Variants in GCFC2 observed in about 807,000 individuals in gnomAD.
GCFC2 encodes GC-rich sequence DNA-binding factor 2.
A neutral mutation model predicts 99.4 loss-of-function variants in GCFC2; 102 were observed. That is an observed-to-expected ratio of 1.03 (90% CI 0.87 to 1.21). The LOEUF (loss-of-function observed/expected upper bound fraction) is 1.21, where lower values mean the gene tolerates loss of function less well. Ranked by LOEUF, GCFC2 falls within the 50% of genes most tolerant of loss-of-function variation. GCFC2 has a pLI of 0.00. For synonymous variants in GCFC2, 338 were observed against 316.8 expected, an observed-to-expected ratio of 1.07 and a Z score of -0.71; for missense variants, 973 against 920.9, an observed-to-expected ratio of 1.06 and a Z score of -0.73.
upstream of GCFC2, among the ~76,000 whole-genome samples, chr2:75,712,441 A>G (rs975193440): frequency 3.7e-4 from 56 of 152,280 alleles, 1 homozygote; most frequent in African/African-American, 1.3e-3. Context: ...TTTTGTATCT[A>G]GCTCAGGGAT....
intron 12 of GCFC2, among the ~76,000 whole-genome samples, chr2:75,676,947 A>G (rs1453487413): frequency 6.6e-6 from 1 of 152,210 alleles, no homozygotes; most frequent in Non-Finnish European, 1.5e-5. Context: ...CCAGTTCAAT[A>G]AAAATATTGA....
At chr2:75,689,480 G>A (rs745440944) in intron 9 of GCFC2, among the ~76,000 whole-genome samples, 2 of 152,080 alleles carry the variant, frequency 1.3e-5, no homozygotes, top group African/African-American at 2.4e-5. Flanking sequence ...ATACCATATA[G>A]GTATAGTCTA....
chr2:75,711,962 G>A (rs914041645), upstream of GCFC2, among the ~76,000 whole-genome samples: 4 of 152,360 alleles, frequency 2.6e-5, no homozygotes, highest in South Asian at 4.1e-4. Flanking sequence ...GAGTACGAGC[G>A]CACGGCGCCG....
At position 75,663,374 on chromosome 2, in the gene GCFC2, A is replaced by T. The variant is rs1678697101; in HGVS notation, c.*1292T>A. ...ACTAGTAAACTAACATTTTTGGAAA[A>T]TTTTCTTAATTTCTTTTGATTAAAT... On this transcript the variant is annotated 3_prime_UTR_variant, in exon 17 of 17. Coordinates refer to ENST00000321027, the MANE Select transcript of GCFC2 (RefSeq NM_003203.5). 6.6e-6 allele frequency: 1 copy of T among 152,124 alleles called. No homozygotes were observed. The highest frequency in any genetic ancestry group is 2.1e-4 in the South Asian group (1 of 4,838). 9.4% of individuals were successfully genotyped at this position (152,124 alleles called of 1,614,324 possible).
chr2:75,692,468 G>A (rs953515729), intron 6 of GCFC2, among the ~76,000 whole-genome samples: 16 of 151,930 alleles, frequency 1.1e-4, no homozygotes, highest in Non-Finnish European at 1.5e-4. Flanking sequence ...CCAACATAGC[G>A]AAACCCCTTC....
intron 12 of GCFC2, among the ~76,000 whole-genome samples, 153 bp downstream of exon 12, chr2:75,680,040 A>C (rs1194339695): frequency 1.3e-5 from 2 of 152,218 alleles, no homozygotes; most frequent in East Asian, 3.8e-4. Flanking sequence ...CAGTCTGAGA[A>C]AAAGTCTAGT....
chr2:75,689,034 G>A lies in GCFC2; in HGVS notation c.1531C>T (p.Pro511Ser). The A allele has an allele frequency of 6.6e-7, 1 of 1,524,742 alleles. No homozygotes were observed. The highest frequency in any genetic ancestry group is 2.3e-5 in the East Asian group (1 of 44,056). The allele number at this position is 1,524,742 out of a possible 1,614,324, so 94.5% of individuals were successfully genotyped here. Residue 511 changes from proline to serine, a missense_variant, in exon 10 of 17, where the codon CCT (proline) becomes TCT (serine). Transcript: ENST00000321027. ...LIRVQLIDWN[P>S]LKLESTGLKE... is the part of the protein sequence containing the mutation. ...ATGTTAAGCATAAATACCTTAAGAGGATTCCAATCAATCAACTGAACTCGT... is the reference window on the plus strand; with the variant it reads ...ATGTTAAGCATAAATACCTTAAGAGAATTCCAATCAATCAACTGAACTCGT...
rs548346454 is a variant in GCFC2 at position 75,697,358 on chromosome 2, C to T, written c.718-1043G>A. Among the ~76,000 whole-genome samples the T allele has an allele frequency of 5.9e-4, 90 of 152,334 alleles. No individual in the cohort carries two copies. The South Asian group carries it at 0.018, about 31-fold the overall frequency. On this transcript the variant is annotated intron_variant, in intron 4 of 16. Coordinates refer to ENST00000321027, the MANE Select transcript of GCFC2 (RefSeq NM_003203.5). ...TCATTTCAGTTCTCACCAAGCCTCC[C>T]ATCCAGCTCTACGCATATCTACAAA...
Position 75,676,571 on chromosome 2 carries a change from C to T in GCFC2, c.1813-3051G>A, listed in dbSNP as rs190854697. Among the ~76,000 whole-genome samples, 7 of 152,108 alleles carry T rather than the reference C, an allele frequency of 4.6e-5. No individual in the cohort carries two copies. The East Asian group carries it at 1.2e-3, about 25-fold the overall frequency. On this transcript the variant is annotated intron_variant, in intron 12 of 16. Transcript: ENST00000321027. ...TGCAATATTCCCAGGAAGGTCTAAT[C>T]TGTGGGTATTATCACCAAATATGCC... is the stretch of plus-strand genomic sequence containing the variant.
rs753292890 is a variant in GCFC2, at chr2:75,664,773, C to T, written c.2239G>A (p.Glu747Lys). 28 of 1,487,840 alleles carry T rather than the reference C, an allele frequency of 1.9e-5. No homozygotes were observed. The highest frequency in any genetic ancestry group is 2.1e-5 in the Non-Finnish European group (22 of 1,069,328). The allele number at this position is 1,487,840 out of a possible 1,614,324, so 92.2% of individuals were successfully genotyped here. The change falls in exon 17 of 17, where the codon GAA becomes AAA. Residue 747 changes from glutamate (E) to lysine (K), a missense_variant. Glu to Lys is a moderately conservative substitution (Grantham distance 56). Transcript: ENST00000321027. ...TTCACCAAAATAAGAATTATTTCTTCGACTTCATCCCTGAAAAACAAAACA... is the reference window on the plus strand; with the variant it reads ...TTCACCAAAATAAGAATTATTTCTTTGACTTCATCCCTGAAAAACAAAACA... ...LSRSEFRDEV[E>K]EIILILVKIK...
chr2:75,695,512 A>G (rs1373296401), intron 5 of GCFC2, among the ~76,000 whole-genome samples: 1 of 152,178 alleles, frequency 6.6e-6, no homozygotes, highest in Admixed American at 6.6e-5. Context: ...GTATTTACTG[A>G]TTTTAACCAC....
rs368712901 is a variant in GCFC2, at chr2:75,665,954, G to T, written c.2203C>A (p.His735Asn). Residue 735 changes from histidine (H) to asparagine (N), a missense_variant, in exon 16 of 17, where the codon CAT (histidine) becomes AAT (asparagine). Transcript: ENST00000321027. ...CTGAATTCACTTCTAGATAATTTAT[G>T]TGCAGACTGCAATAAAAACTGAATG... Reference protein sequence around the residue: ...NFIQFLLQSAHKLSRSEFRDE... With the variant: ...NFIQFLLQSANKLSRSEFRDE... The T allele has an allele frequency of 6.3e-6, 10 of 1,593,774 alleles. No homozygotes were observed. Among genetic ancestry groups the T allele is most frequent in the Non-Finnish European group, 8.6e-6 (10 of 1,163,770 alleles).
chr2:75,698,692 GCT>G (rs1680441209), intron 4 of GCFC2, among the ~76,000 whole-genome samples: 1 of 152,092 alleles, frequency 6.6e-6, no homozygotes, highest in South Asian at 2.1e-4. Context: ...TGGACTACTA[GCT>G]CTTAGTTCAC....
chr2:75,665,828 T>C, intron 16 of GCFC2, 101 bp downstream of exon 16: 1 of 728,460 alleles, frequency 1.4e-6, no homozygotes, highest in South Asian at 3.0e-5. Flanking sequence ...TTTAACAAAT[T>C]TTTAAAAGTA....
intron 5 of GCFC2, among the ~76,000 whole-genome samples, chr2:75,695,428 T>C (rs1254022267): frequency 6.6e-6 from 1 of 152,194 alleles, no homozygotes; most frequent in Non-Finnish European, 1.5e-5. Context: ...TGATAGTTTT[T>C]TTAAAAAAAT....
intron 12 of GCFC2, among the ~76,000 whole-genome samples, chr2:75,673,755 CTT>C (rs1679227548): frequency 6.6e-6 from 1 of 152,078 alleles, no homozygotes; most frequent in Non-Finnish European, 1.5e-5. Context: ...TGATGGAACA[CTT>C]AGGTGATTTC....
chr2:75,712,181 C>T (rs377351486), upstream of GCFC2, among the ~76,000 whole-genome samples: 6 of 106,700 alleles, frequency 5.6e-5, no homozygotes, highest in African/African-American at 8.0e-5. Context: ...GTGCACCAAT[C>T]GACACTCTGT....
At chr2:75,703,256 T>C (rs1680690018) in intron 2 of GCFC2, among the ~76,000 whole-genome samples, 3 of 152,208 alleles carry the variant, frequency 2.0e-5, no homozygotes. Context: ...TTTCACCATT[T>C]TAAGCACTTC....
Position 75,702,333 on chromosome 2 carries a change from T to C in GCFC2, c.485A>G (p.Gln162Arg). 6.2e-7 allele frequency: 1 copy of C among 1,613,006 alleles called. No homozygotes were observed. Among genetic ancestry groups the C allele is most frequent in the Non-Finnish European group, 8.5e-7 (1 of 1,178,974 alleles). ...AQDDYISLDV[Q>R]HTSSISGMKR... Reference sequence around the variant, plus strand: ...CATACCAGAGATGGAGGAGGTATGTTGTACATCCAAAGAAATATAGTCATC... The same window carrying C: ...CATACCAGAGATGGAGGAGGTATGTCGTACATCCAAAGAAATATAGTCATC... Residue 162 changes from glutamine (Q) to arginine (R), a missense_variant, in exon 3 of 17, where the codon CAA becomes CGA. Physicochemically the swap from Gln to Arg is conservative, Grantham distance 43 (BLOSUM62 1). Coordinates refer to ENST00000321027, the MANE Select transcript of GCFC2 (RefSeq NM_003203.5).
Sources: allele counts gnomAD v4.1 joint callset (sites outside exome capture counted in the v4.1 genomes callset), GRCh38; gene constraint gnomAD v4.1.1; transcripts MANE v1.5; gene names NCBI Gene and HGNC (gene_info 2026-07-23, HGNC 2026-07-21).